USP54: variants seen among roughly 807,000 people sequenced by gnomAD.
USP54 encodes ubiquitin specific peptidase 54.
A neutral mutation model predicts 170.5 loss-of-function variants in USP54; 87 were observed. The ratio of observed to expected loss-of-function variants is 0.51; its 90% confidence interval spans 0.43 to 0.61. The LOEUF (loss-of-function observed/expected upper bound fraction) is 0.61, where lower values mean the gene tolerates loss of function less well. Ranked by LOEUF, USP54 falls within the 20% of genes least tolerant of loss-of-function variation. The probability of loss-of-function intolerance (pLI) is 0.00; values close to 1 mark genes in which losing one functional copy is unlikely to be tolerated. For missense variants in USP54, 1,786 were observed against 2,047.8 expected (o/e 0.87, Z 2.47); for synonymous variants, 655 against 742.8 (o/e 0.88, Z 1.92).
rs1236959453 is a variant in USP54 at position 73,526,696 on chromosome 10, T to C, written c.2145A>G (p.Val715=). The C allele has an allele frequency of 1.2e-6, 2 of 1,614,178 alleles. No individual in the cohort carries two copies. Among genetic ancestry groups the C allele is most frequent in the Admixed American group, 1.7e-5 (1 of 60,030 alleles). Residue 715 remains valine, a synonymous_variant, in exon 16 of 24, where the codon GTA becomes GTG. Coordinates refer to ENST00000687698, the MANE Select transcript of USP54 (RefSeq NM_001391956.1). ...AGCCACCCATGGATGCTGTGGAGTC[T>C]ACCTCCAGGATGCTACTGCTGTGCG... ...PKSHSSSILE[V]DSTASMGGWT...
chr10:73,524,256 C>T (rs1404965291), intron 16 of USP54, among the ~76,000 whole-genome samples: 1 of 151,696 alleles, frequency 6.6e-6, no homozygotes, highest in Non-Finnish European at 1.5e-5. Flanking sequence ...AATTAGATTC[C>T]GGATGGCACT....
At chr10:73,548,727 C>T (rs907288495) in intron 4 of USP54, among the ~76,000 whole-genome samples, 1 of 151,868 alleles carries the variant, frequency 6.6e-6, no homozygotes, top group African/African-American at 2.4e-5. Flanking sequence ...CGGGGCCTGT[C>T]GGGAGGTGGG....
chr10:73,605,311 AC>A (rs909156282), intron 1 of USP54, among the ~76,000 whole-genome samples: 46 of 152,008 alleles, frequency 3.0e-4, no homozygotes, highest in Non-Finnish European at 5.9e-5. Context: ...TGATCCGCCC[AC>A]CTTGGCCTCC....
At chr10:73,624,538 T>C (rs1371183489) in intron 1 of USP54, 1 of 152,044 alleles carries the variant, frequency 6.6e-6, no homozygotes, top group Non-Finnish European at 1.5e-5. Flanking sequence ...AATGCATTTG[T>C]GAACCTCAAC....
chr10:73,565,392 T>C (rs542529118), intron 4 of USP54, among the ~76,000 whole-genome samples: 37 of 152,082 alleles, frequency 2.4e-4, no homozygotes, highest in Non-Finnish European at 4.4e-4. Flanking sequence ...AGCACCTGCC[T>C]GTGGTCCCAG....
rs2061236829 is a variant in USP54 at position 73,517,422 on chromosome 10, A to G, written c.3004T>C (p.Ser1002Pro). ...LDAPEGKLQG[S>P]RCDNSSCSKL... ...CTGCAACTGCTGTTGTCACACCTAGAGCCTTGCAGCTTACCCTCTGGGGCA... is the reference window on the plus strand; with the variant it reads ...CTGCAACTGCTGTTGTCACACCTAGGGCCTTGCAGCTTACCCTCTGGGGCA... Residue 1002 changes from serine to proline, a missense_variant, in exon 20 of 24, where the codon TCT (serine) becomes CCT (proline). Ser to Pro is a moderately conservative substitution (Grantham distance 74). Coordinates refer to ENST00000687698, the MANE Select transcript of USP54 (RefSeq NM_001391956.1). 6.2e-7 allele frequency: 1 copy of G among 1,614,124 alleles called. No homozygotes were observed. The highest frequency in any genetic ancestry group is 8.5e-7 in the Non-Finnish European group (1 of 1,180,008).
At chr10:73,569,517 C>A (rs111519564) in intron 4 of USP54, among the ~76,000 whole-genome samples, 5 of 152,220 alleles carry the variant, frequency 3.3e-5, no homozygotes, top group African/African-American at 1.2e-4. Context: ...CGTGATGGCT[C>A]ACGCCTGTAA....
intron 4 of USP54, among the ~76,000 whole-genome samples, chr10:73,558,218 A>G (rs2071708473): frequency 6.6e-6 from 1 of 152,138 alleles, no homozygotes; most frequent in Non-Finnish European, 1.5e-5. Flanking sequence ...ATCATGGTTC[A>G]AAGTAAGCAG....
In USP54 at chr10:73,499,181, T is replaced by G. The variant is rs373535773; in HGVS notation, c.4503A>C (p.Ser1501=). 4 of 1,594,152 alleles carry G rather than the reference T, an allele frequency of 2.5e-6. No individual in the cohort carries two copies. The highest frequency in any genetic ancestry group is 1.4e-5 in the African/African-American group (1 of 73,662). The stretch of plus-strand genomic sequence containing the variant: ...TAGCCAGAAACTGCTGGACACTCCT[T>G]GAAGTTCCTGGGGAAAGAAAAGAAA... ...AGEPNRLPGT[S]RSVQQFLAMC... The change falls in exon 24 of 24, where the codon TCA becomes TCC. Residue 1501 remains serine, a synonymous_variant. Transcript: ENST00000687698.
chr10:73,552,230 T>C (rs923670959), intron 4 of USP54, among the ~76,000 whole-genome samples: 2 of 152,132 alleles, frequency 1.3e-5, no homozygotes, highest in African/African-American at 4.8e-5. Flanking sequence ...CTGACCAATA[T>C]GGTGAAATCC....
chr10:73,548,843 T>G (rs181523504), intron 4 of USP54, among the ~76,000 whole-genome samples: 2 of 152,328 alleles, frequency 1.3e-5, no homozygotes, highest in Non-Finnish European at 2.9e-5. Context: ...CTGCACGTTG[T>G]GCACATGTAC....
In USP54 at chr10:73,553,007, G is replaced by A. The variant is rs547298158; in HGVS notation, c.241-7335C>T. 2.6e-5 allele frequency among the ~76,000 whole-genome samples: 4 copies of A among 152,202 alleles called. No individual in the cohort carries two copies. In the South Asian group the frequency reaches 8.3e-4, roughly 32 times the overall value. On this transcript the variant is annotated intron_variant, in intron 4 of 23. Coordinates refer to ENST00000687698, the MANE Select transcript of USP54 (RefSeq NM_001391956.1). ...TCCTCAGTCTCTGAGATCTGAGTAG[G>A]AAGAACTACAGTTTTTTCTCTTCTC... is the stretch of plus-strand genomic sequence containing the variant.
At chr10:73,509,873 G>A (rs560517136) in intron 20 of USP54, among the ~76,000 whole-genome samples, 195 of 152,254 alleles carry the variant, frequency 1.3e-3, no homozygotes, top group Non-Finnish European at 1.9e-3. Flanking sequence ...GGTCGGATGT[G>A]GTGGTGTGTG....
upstream of USP54, among the ~76,000 whole-genome samples, chr10:73,595,790 A>G (rs1275305260): frequency 6.6e-6 from 1 of 152,156 alleles, no homozygotes; most frequent in African/African-American, 2.4e-5. Context: ...CAAGCACACC[A>G]AAGAATTACC....
chr10:73,539,628 CAT>C, intron 9 of USP54, 35 bp from the exon 10 acceptor site: 1 of 1,554,824 alleles, frequency 6.4e-7, no homozygotes. Flanking sequence ...AGCACAGTCA[CAT>C]ATTCAACCAT....
At chr10:73,569,902 C>CAAAAAAAAAAAAAAAAAAAAAA (rs34676499) in intron 4 of USP54, among the ~76,000 whole-genome samples, 2 of 18,704 alleles carry the variant, frequency 1.1e-4, no homozygotes, top group East Asian at 8.2e-4. Context: ...ATTTCATCTC[C>CAAAAAAAAAAAAAAAAAAAAAA]AAAAAAAAAA....
rs1226149338 is a variant in USP54 at position 73,607,339 on chromosome 10, A to G, written c.-18+18228T>C. ...TTTGCTTAAAAAAAAAAAAAAAAGA[A>G]AAAAAAAAATAAACAGAAAGAAGAC... On this transcript the variant is annotated intron_variant, in intron 1 of 22. Transcript: ENST00000339859. Among the ~76,000 whole-genome samples, 6 of 14,868 alleles carry G rather than the reference A, an allele frequency of 4.0e-4. No individual in the cohort carries two copies. The African/African-American group carries it at 5.4e-3, about 13-fold the overall frequency. 9.8% of individuals were successfully genotyped at this position (14,868 alleles called of 152,430 possible).
chr10:73,502,041 A>G (rs928672590), intron 22 of USP54, among the ~76,000 whole-genome samples: 10 of 152,012 alleles, frequency 6.6e-5, no homozygotes, highest in African/African-American at 2.4e-4. Flanking sequence ...CTTCTCCCCT[A>G]TTTCTTTTTA....
At chr10:73,535,342 A>G (rs1211744985) in intron 11 of USP54, among the ~76,000 whole-genome samples, 1 of 152,054 alleles carries the variant, frequency 6.6e-6, no homozygotes, top group Non-Finnish European at 1.5e-5. Flanking sequence ...ATTTGACTGA[A>G]GGGAGAAGAG....
Sources: allele counts gnomAD v4.1 joint callset (sites outside exome capture counted in the v4.1 genomes callset), GRCh38; gene constraint gnomAD v4.1.1; transcripts MANE v1.5; gene names NCBI Gene and HGNC (gene_info 2026-07-23, HGNC 2026-07-21).